Variants in MAP3K13 observed in about 807,000 individuals in gnomAD.
The protein encoded by MAP3K13 is leucine zipper-bearing kinase.
MAP3K13 carries 52 observed loss-of-function variants against 104.0 expected under a neutral mutation model. That is an observed-to-expected ratio of 0.50 (90% CI 0.40 to 0.63). The LOEUF (loss-of-function observed/expected upper bound fraction) is 0.63. Ranked by LOEUF, MAP3K13 falls within the 20% of genes least tolerant of loss-of-function variation. MAP3K13 has a pLI of 0.00. For missense variants in MAP3K13, 914 were observed against 1,218.5 expected, an observed-to-expected ratio of 0.75 and a Z score of 3.72; for synonymous variants, 394 against 442.2, an observed-to-expected ratio of 0.89 and a Z score of 1.37.
chr3:185,299,376 C>T (rs1262463175), intron 2 of MAP3K13, among the ~76,000 whole-genome samples: 1 of 152,196 alleles, frequency 6.6e-6, no homozygotes, highest in Non-Finnish European at 1.5e-5. Context: ...CGGGAAGCCC[C>T]AGTCACAAAA....
At chr3:185,321,107 C>T (rs1721845986) in intron 2 of MAP3K13, among the ~76,000 whole-genome samples, 1 of 151,082 alleles carries the variant, frequency 6.6e-6, no homozygotes, top group African/African-American at 2.4e-5. Context: ...CGTGCACACA[C>T]ATATGCGTGC....
At chr3:185,427,205 A>T (rs2108800758) in intron 1 of MAP3K13, among the ~76,000 whole-genome samples, 1 of 151,558 alleles carries the variant, frequency 6.6e-6, no homozygotes, top group Non-Finnish European at 1.5e-5. Flanking sequence ...ATACAAAAAA[A>T]AAAAAAAAAT....
In MAP3K13 at chr3:185,392,298, G is replaced by A. The variant is rs567790791; in HGVS notation, c.-86+28930G>A. Among the ~76,000 whole-genome samples the A allele has an allele frequency of 1.3e-3, 203 of 152,264 alleles. 1 individual carries two copies. The highest frequency in any genetic ancestry group is 3.8e-3 in the African/African-American group (159 of 41,540). ...CATTAAAGAGCAATTATAATACAGC[G>A]TGATATGTGCTATTAGGGGAGGAGG... On this transcript the variant is annotated intron_variant, in intron 1 of 13. Coordinates refer to ENST00000265026, the MANE Select transcript of MAP3K13 (RefSeq NM_004721.5).
At chr3:185,377,341 G>A (rs1373647330) in intron 1 of MAP3K13, among the ~76,000 whole-genome samples, 1 of 150,594 alleles carries the variant, frequency 6.6e-6, no homozygotes, top group East Asian at 2.0e-4. Flanking sequence ...GGTAAGGGGT[G>A]CATGATCGGT....
intron 2 of MAP3K13, among the ~76,000 whole-genome samples, chr3:185,346,059 G>C (rs1257985630): frequency 6.6e-6 from 1 of 152,126 alleles, no homozygotes; most frequent in Non-Finnish European, 1.5e-5. Flanking sequence ...CAATTTTCAT[G>C]TGTGGAATAC....
intron 1 of MAP3K13, among the ~76,000 whole-genome samples, chr3:185,374,311 G>A (rs1221467745): frequency 1.3e-5 from 2 of 152,068 alleles, no homozygotes; most frequent in African/African-American, 4.8e-5. Flanking sequence ...AAATTTTTGG[G>A]GGTTGTATGG....
At chr3:185,433,198 C>G (rs1207110363) in intron 2 of MAP3K13, among the ~76,000 whole-genome samples, 1 of 152,168 alleles carries the variant, frequency 6.6e-6, no homozygotes, top group African/African-American at 2.4e-5. Flanking sequence ...ACTGTCATGG[C>G]CATGTCTGAA....
chr3:185,294,352 A>T (rs1391307490), intron 2 of MAP3K13, among the ~76,000 whole-genome samples: 5 of 152,168 alleles, frequency 3.3e-5, no homozygotes, highest in Non-Finnish European at 7.3e-5. Context: ...TTTCCAATTC[A>T]TTGATGAAGA....
intron 2 of MAP3K13, among the ~76,000 whole-genome samples, chr3:185,352,015 C>A (rs776005212): frequency 6.6e-6 from 1 of 152,198 alleles, no homozygotes; most frequent in Non-Finnish European, 1.5e-5. Context: ...TCATCTCTAA[C>A]AAGACCCGGA....
At chr3:185,456,389 T>C (rs890981302) in intron 7 of MAP3K13, among the ~76,000 whole-genome samples, 2 of 152,130 alleles carry the variant, frequency 1.3e-5, no homozygotes, top group East Asian at 3.8e-4. Context: ...CCTGCATTCT[T>C]TGATACACAT....
At chr3:185,477,498 C>A in intron 12 of MAP3K13, 102 bp downstream of exon 12, 1 of 839,254 alleles carries the variant, frequency 1.2e-6, no homozygotes, top group Admixed American at 2.0e-5. Context: ...CCCTGGCAGC[C>A]ACCTTATAGG....
chr3:185,454,944 G>T (rs535601227), intron 7 of MAP3K13, among the ~76,000 whole-genome samples: 1 of 41,986 alleles, frequency 2.4e-5, no homozygotes, highest in African/African-American at 9.2e-5. Context: ...ATATATATGA[G>T]ATATATATGA....
upstream of MAP3K13, among the ~76,000 whole-genome samples, chr3:185,361,053 C>G (rs951614216): frequency 6.6e-6 from 1 of 151,094 alleles, no homozygotes; most frequent in Non-Finnish European, 1.5e-5. Context: ...TCTCAAACTC[C>G]TGACCTCAGA....
intron 10 of MAP3K13, among the ~76,000 whole-genome samples, chr3:185,468,193 G>A (rs138343968): frequency 3.6e-4 from 54 of 152,040 alleles, no homozygotes; most frequent in African/African-American, 1.1e-3. Context: ...GACTCAAACC[G>A]TATCACTCAT....
chr3:185,431,183 G>C (rs1408824578), intron 2 of MAP3K13, among the ~76,000 whole-genome samples: 1 of 152,254 alleles, frequency 6.6e-6, no homozygotes, highest in Non-Finnish European at 1.5e-5. Flanking sequence ...ATTACAATTC[G>C]AGATGAGATT....
Position 185,486,355 on chromosome 3 carries a change from A to G in MAP3K13, c.*3899A>G, listed in dbSNP as rs1169288424. Reference sequence around the variant, plus strand: ...GAGTTGAATAAAGTCCATATTGAACACATTTTTTTAAGTAGAATTGACTAG... The same window carrying G: ...GAGTTGAATAAAGTCCATATTGAACGCATTTTTTTAAGTAGAATTGACTAG... On this transcript the variant is annotated 3_prime_UTR_variant, in exon 14 of 14. Transcript: ENST00000265026. 2 of 152,216 alleles carry G rather than the reference A, an allele frequency of 1.3e-5. No individual in the cohort carries two copies. The highest frequency in any genetic ancestry group is 2.9e-5 in the Non-Finnish European group (2 of 68,042). The allele number at this position is 152,216 out of a possible 1,614,324, so 9.4% of individuals were successfully genotyped here.
At chr3:185,403,054 A>G (rs7428082) in intron 1 of MAP3K13, among the ~76,000 whole-genome samples, 85,981 of 152,028 alleles carry the variant, frequency 0.57, 24,375 homozygotes, top group Non-Finnish European at 0.6. Flanking sequence ...TCAAAAAATA[A>G]AAGGCAAAAT....
chr3:185,467,113 G>A (rs971825948), intron 10 of MAP3K13, 150 bp downstream of exon 10: 11 of 798,912 alleles, frequency 1.4e-5, no homozygotes, highest in Non-Finnish European at 2.1e-5. Flanking sequence ...AGAGTAAGAA[G>A]GTGAGGGAGT....
chr3:185,403,674 G>A (rs1712942773), intron 1 of MAP3K13, among the ~76,000 whole-genome samples: 1 of 151,998 alleles, frequency 6.6e-6, no homozygotes, highest in East Asian at 1.9e-4. Context: ...AGTAAAGCTG[G>A]AAAACAAAAA....
Sources: allele counts gnomAD v4.1 joint callset (sites outside exome capture counted in the v4.1 genomes callset), GRCh38; gene constraint gnomAD v4.1.1; transcripts MANE v1.5; gene names NCBI Gene and HGNC (gene_info 2026-07-23, HGNC 2026-07-21).